The following ATP8A2 variants were observed in gnomAD, a reference collection of about 807,000 sequenced individuals.
ATP8A2 encodes the protein phospholipid-transporting ATPase IB.
A neutral mutation model predicts 165.6 loss-of-function variants in ATP8A2; 100 were observed. That is an observed-to-expected ratio of 0.60 (90% confidence interval 0.51 to 0.71). ATP8A2 has a LOEUF of 0.71. Ranked by LOEUF, ATP8A2 falls within the 30% of genes least tolerant of loss-of-function variation. The pLI, the probability that ATP8A2 is intolerant of heterozygous loss-of-function variation, is 0.00. For synonymous variants in ATP8A2, 543 were observed against 548.8 expected (o/e 0.99, Z 0.15); for missense variants, 1,227 against 1,479.5 (o/e 0.83, Z 2.80).
intron 33 of ATP8A2, among the ~76,000 whole-genome samples, chr13:25,957,406 A>G (rs984390260): frequency 3.3e-5 from 5 of 152,240 alleles, no homozygotes; most frequent in Admixed American, 2.6e-4. Context: ...AAGGAACTTA[A>G]ACAAATTTAC....
chr13:25,940,594 G>C (rs1465702833), intron 33 of ATP8A2, among the ~76,000 whole-genome samples: 1 of 152,124 alleles, frequency 6.6e-6, no homozygotes, highest in African/African-American at 2.4e-5. Flanking sequence ...TCCCACTGAC[G>C]AGGACTTCAT....
intron 10 of ATP8A2, among the ~76,000 whole-genome samples, chr13:25,544,475 G>A (rs370789833): frequency 6.6e-6 from 1 of 152,184 alleles, no homozygotes; most frequent in African/African-American, 2.4e-5. Context: ...GGTGGCCACC[G>A]CAGCTAGTAA....
chr13:25,381,343 A>G (rs986790008), intron 1 of ATP8A2, among the ~76,000 whole-genome samples: 2 of 152,226 alleles, frequency 1.3e-5, no homozygotes, highest in Non-Finnish European at 2.9e-5. Flanking sequence ...CATTTTCTCC[A>G]TAACATATTA....
At chr13:25,542,133 T>C in intron 9 of ATP8A2, 87 bp downstream of exon 9, 12 of 1,368,474 alleles carry the variant, frequency 8.8e-6, no homozygotes, top group Non-Finnish European at 1.1e-5. Flanking sequence ...TTCCTAGTTT[T>C]GTAATATTTT....
chr13:25,531,732 T>C (rs2038121116), intron 4 of ATP8A2, among the ~76,000 whole-genome samples: 1 of 152,138 alleles, frequency 6.6e-6, no homozygotes, highest in African/African-American at 2.4e-5. Context: ...ACAAAATTAT[T>C]ATAAACACTG....
At chr13:25,478,136 G>A (rs1342456109) in intron 2 of ATP8A2, among the ~76,000 whole-genome samples, 2 of 152,054 alleles carry the variant, frequency 1.3e-5, no homozygotes, top group African/African-American at 4.8e-5. Context: ...TCATATGTTT[G>A]TTGTGATGAG....
At chr13:25,629,989 G>T (rs2041198524) in intron 24 of ATP8A2, among the ~76,000 whole-genome samples, 1 of 152,118 alleles carries the variant, frequency 6.6e-6, no homozygotes, top group Admixed American at 6.6e-5. Context: ...TGAAAGCTTT[G>T]TGTTGGCAAT....
intron 1 of ATP8A2, among the ~76,000 whole-genome samples, chr13:25,410,909 C>G (rs1012613255): frequency 6.6e-6 from 1 of 152,210 alleles, no homozygotes; most frequent in African/African-American, 2.4e-5. Context: ...CTCCTTTAAC[C>G]ATTTTCCTTT....
intron 24 of ATP8A2, among the ~76,000 whole-genome samples, chr13:25,697,652 T>G (rs576003463): frequency 6.6e-6 from 1 of 152,240 alleles, no homozygotes; most frequent in African/African-American, 2.4e-5. Flanking sequence ...GTTTGCTGTA[T>G]GCCAAGTCCC....
intron 24 of ATP8A2, among the ~76,000 whole-genome samples, chr13:25,596,545 T>C (rs1459206798): frequency 6.6e-6 from 1 of 152,222 alleles, no homozygotes; most frequent in Non-Finnish European, 1.5e-5. Context: ...GTCTGGCTTC[T>C]TTCATTCAAC....
chr13:25,820,998 C>G (rs1566172733), intron 27 of ATP8A2, among the ~76,000 whole-genome samples: 1 of 151,156 alleles, frequency 6.6e-6, no homozygotes. Flanking sequence ...ATAAACAGGT[C>G]CAATCATCTA....
chr13:25,566,324 A>C (rs1439190642), intron 16 of ATP8A2, among the ~76,000 whole-genome samples: 1 of 152,118 alleles, frequency 6.6e-6, no homozygotes, highest in Non-Finnish European at 1.5e-5. Context: ...TCCAGCTACT[A>C]GGCTGAAGAT....
intron 2 of ATP8A2, among the ~76,000 whole-genome samples, chr13:25,471,276 C>T (rs1358541378): frequency 6.7e-6 from 1 of 150,116 alleles, no homozygotes; most frequent in African/African-American, 2.5e-5. Flanking sequence ...TCCATTTATG[C>T]ATGCTTAAGG....
In ATP8A2 at chr13:25,656,195, A is replaced by G. The variant is rs140910632; in HGVS notation, c.2212-42978A>G. On this transcript the variant is annotated intron_variant, in intron 24 of 36. Transcript: ENST00000381655. ...GGTTTACACACGTAAATGCATGGAG[A>G]ACAGTAGCTGACAGTGCTCAAGTGC... Among the ~76,000 whole-genome samples the G allele has an allele frequency of 5.9e-3, 895 of 152,314 alleles. 9 individuals are homozygous for G. The highest frequency in any genetic ancestry group is 0.021 in the African/African-American group (859 of 41,572).
intron 25 of ATP8A2, among the ~76,000 whole-genome samples, chr13:25,729,105 C>T (rs528648126): frequency 1.4e-3 from 217 of 152,130 alleles, no homozygotes; most frequent in Middle Eastern, 3.4e-3. Context: ...TCCCACCCTC[C>T]CCCTCTCTCC....
At chr13:25,892,495 T>TCTCTCTCTCC (rs1431211575) in intron 33 of ATP8A2, among the ~76,000 whole-genome samples, 1 of 151,260 alleles carries the variant, frequency 6.6e-6, no homozygotes, top group Non-Finnish European at 1.5e-5. Flanking sequence ...TCTCTCTCTC[T>TCTCTCTCTCC]CTCTCTCTCC....
chr13:25,395,576 A>G (rs2033393802), intron 1 of ATP8A2, among the ~76,000 whole-genome samples: 1 of 152,134 alleles, frequency 6.6e-6, no homozygotes, highest in Admixed American at 6.5e-5. Context: ...CCAGGAAGAG[A>G]GATGATTGGA....
At chr13:25,930,898 C>T (rs1024458072) in intron 33 of ATP8A2, among the ~76,000 whole-genome samples, 5 of 152,174 alleles carry the variant, frequency 3.3e-5, no homozygotes, top group Admixed American at 1.3e-4. Flanking sequence ...TCAGCCTTGC[C>T]GCCGGTGTTC....
intron 24 of ATP8A2, among the ~76,000 whole-genome samples, chr13:25,636,511 T>C (rs7331701): frequency 0.99 from 150,609 of 152,264 alleles, 74,498 homozygotes; most frequent in East Asian, 1. Context: ...ATCTGCCCTA[T>C]GTTCTTAGTA....
Sources: allele counts gnomAD v4.1 joint callset (sites outside exome capture counted in the v4.1 genomes callset), GRCh38; gene constraint gnomAD v4.1.1; transcripts MANE v1.5; gene names NCBI Gene and HGNC (gene_info 2026-07-23, HGNC 2026-07-21).